WDTC1: variants seen among roughly 807,000 people sequenced by gnomAD.
WDTC1 encodes the protein WD and tetratricopeptide repeats protein 1.
In WDTC1, 12 loss-of-function variants were observed where a neutral mutation model predicts 76.0. The observed-to-expected ratio is 0.16, with a 90% CI of 0.10 to 0.26. The LOEUF is 0.26. Ranked by LOEUF, WDTC1 falls within the 10% of genes least tolerant of loss-of-function variation. WDTC1 has a pLI of 1.00. For synonymous variants in WDTC1, 326 were observed against 350.8 expected (o/e 0.93, Z 0.79); for missense variants, 511 against 908.8 (o/e 0.56, Z 5.63).
At chr1:27,282,489 A>T (rs1399672028) in intron 4 of WDTC1, among the ~76,000 whole-genome samples, 1 of 152,078 alleles carries the variant, frequency 6.6e-6, no homozygotes, top group African/African-American at 2.4e-5. Context: ...TGACCATCCA[A>T]ACCCTGTTTT....
chr1:27,247,597 C>G (rs2011885869), intron 1 of WDTC1, among the ~76,000 whole-genome samples: 1 of 151,978 alleles, frequency 6.6e-6, no homozygotes, highest in Non-Finnish European at 1.5e-5. Context: ...TCTGTTTCTG[C>G]TTTAGTTTGC....
intron 1 of WDTC1, among the ~76,000 whole-genome samples, chr1:27,243,562 A>G (rs1362822903): frequency 2.0e-5 from 3 of 152,030 alleles, no homozygotes; most frequent in African/African-American, 7.3e-5. Context: ...GTCAGACTGT[A>G]TAGGTTGACT....
intron 6 of WDTC1, among the ~76,000 whole-genome samples, chr1:27,288,993 C>T (rs1409088523): frequency 2.4e-5 from 3 of 124,332 alleles, no homozygotes; most frequent in East Asian, 2.6e-4. Context: ...ACCCCCCCCC[C>T]ACCTCCCTCC....
chr1:27,264,002 T>TAA (rs545114279), intron 3 of WDTC1, among the ~76,000 whole-genome samples: 1 of 142,680 alleles, frequency 7.0e-6, no homozygotes. Flanking sequence ...AATAGGTGTT[T>TAA]AAAAAAAAAA....
At chr1:27,299,389 T>C (rs1440582118) in intron 12 of WDTC1, among the ~76,000 whole-genome samples, 1 of 151,874 alleles carries the variant, frequency 6.6e-6, no homozygotes, top group Non-Finnish European at 1.5e-5. Flanking sequence ...TCAAGAAAAG[T>C]TGGGTCGCTT....
intron 8 of WDTC1, 35 bp downstream of exon 8, chr1:27,294,151 G>T: frequency 1.2e-6 from 2 of 1,601,412 alleles, no homozygotes; most frequent in Non-Finnish European, 1.7e-6. Flanking sequence ...CCAAACTCTC[G>T]GCTAGATGCT....
chr1:27,308,266 G>T lies in WDTC1; in HGVS notation c.*1883G>T, dbSNP rs2148002114. 1 of 152,392 alleles carries T rather than the reference G, an allele frequency of 6.6e-6. No homozygotes were observed. Among genetic ancestry groups the T allele is most frequent in the East Asian group, 1.9e-4 (1 of 5,184 alleles). 9.4% of individuals were successfully genotyped at this position (152,392 alleles called of 1,614,324 possible). ...TAGGTGTGGCTGGTGGCATTTGTGG[G>T]GTGCAGATGGGTCTTGGAACCAAAG... On this transcript the variant is annotated 3_prime_UTR_variant, in exon 16 of 16. Coordinates refer to ENST00000319394, the MANE Select transcript of WDTC1 (RefSeq NM_001276252.2).
intron 1 of WDTC1, among the ~76,000 whole-genome samples, chr1:27,254,891 T>A (rs1041814056): frequency 6.6e-6 from 1 of 152,022 alleles, no homozygotes; most frequent in African/African-American, 2.4e-5. Context: ...CCTCCCAAAG[T>A]GCTGGGATTA....
chr1:27,284,711 C>T (rs766502765), intron 5 of WDTC1, among the ~76,000 whole-genome samples: 8 of 151,686 alleles, frequency 5.3e-5, no homozygotes, highest in African/African-American at 9.7e-5. Context: ...TACTCCCTAA[C>T]GGTAAGACCT....
chr1:27,298,135 TCTGGGTCAG>T, intron 12 of WDTC1, 24 bp downstream of exon 12: 1 of 1,563,464 alleles, frequency 6.4e-7, no homozygotes, highest in Non-Finnish European at 8.7e-7. Flanking sequence ...GCAGAGGGGA[TCTGGGTCAG>T]GATGAGGGAG....
intron 3 of WDTC1, among the ~76,000 whole-genome samples, chr1:27,273,327 G>A: frequency 6.8e-6 from 1 of 146,576 alleles, no homozygotes; most frequent in Non-Finnish European, 1.5e-5. Flanking sequence ...TCCTGCCTCA[G>A]CCTACCAAGT....
At chr1:27,277,626 G>A (rs772593911) in intron 3 of WDTC1, among the ~76,000 whole-genome samples, 1 of 152,088 alleles carries the variant, frequency 6.6e-6, no homozygotes, top group Non-Finnish European at 1.5e-5. Context: ...GAAATCAATT[G>A]ACTGTAAATT....
intron 3 of WDTC1, among the ~76,000 whole-genome samples, chr1:27,265,092 CTGTGCCTAGCCCACACTGTAAGCT>C (rs1170706773): frequency 6.6e-6 from 1 of 152,168 alleles, no homozygotes; most frequent in Non-Finnish European, 1.5e-5. Context: ...GTGTGAGCTA[CTGTGCCTAGCCCACACTGTAAGCT>C]TAAAAGAAAT....
chr1:27,287,024 G>C (rs1347878221), intron 5 of WDTC1, among the ~76,000 whole-genome samples: 1 of 151,504 alleles, frequency 6.6e-6, no homozygotes, highest in Non-Finnish European at 1.5e-5. Flanking sequence ...TTAGCTGGGC[G>C]TGGTGGTGCA....
intron 9 of WDTC1, 145 bp downstream of exon 9, chr1:27,294,774 G>A: frequency 1.5e-6 from 1 of 671,550 alleles, no homozygotes; most frequent in Non-Finnish European, 2.5e-6. Flanking sequence ...GGGTGATGTG[G>A]CATCATTGGA....
intron 3 of WDTC1, among the ~76,000 whole-genome samples, chr1:27,270,549 C>G (rs1023776141): frequency 6.6e-6 from 1 of 152,048 alleles, no homozygotes; most frequent in East Asian, 1.9e-4. Context: ...AAAAATTAGC[C>G]AGGGGTGGTG....
chr1:27,301,263 A>G lies in WDTC1; in HGVS notation c.1270A>G (p.Lys424Glu). ...DHYDALRDCL[K>E]AISLNPCHLK... Reference sequence around the variant, plus strand: ...CTATGATGCCCTGAGGGACTGCCTCAAGGCCATCTCCCTAAACCCATGCCA... The same window carrying G: ...CTATGATGCCCTGAGGGACTGCCTCGAGGCCATCTCCCTAAACCCATGCCA... Residue 424 changes from lysine to glutamate, a missense_variant, in exon 13 of 16, where the codon AAG becomes GAG. By Grantham distance (56) the Lys-to-Glu change is moderately conservative (BLOSUM62 1). Coordinates refer to ENST00000319394, the MANE Select transcript of WDTC1 (RefSeq NM_001276252.2). The surrounding 1 kb of genome is among the most constrained non-coding windows in gnomAD (Gnocchi z 5.8). The G allele has an allele frequency of 6.2e-7, 1 of 1,614,110 alleles. No homozygotes were observed. The highest frequency in any genetic ancestry group is 8.5e-7 in the Non-Finnish European group (1 of 1,180,042).
At chr1:27,239,699 C>G (rs534843520) in intron 1 of WDTC1, among the ~76,000 whole-genome samples, 4 of 149,132 alleles carry the variant, frequency 2.7e-5, no homozygotes, top group Non-Finnish European at 5.9e-5. Context: ...CCTGTAATCC[C>G]AGCTACTTGG....
intron 1 of WDTC1, among the ~76,000 whole-genome samples, chr1:27,250,470 T>C (rs530949438): frequency 1.3e-5 from 2 of 152,268 alleles, no homozygotes; most frequent in South Asian, 4.1e-4. Context: ...TTTTCATATA[T>C]ATTTTATCAT....
Sources: allele counts gnomAD v4.1 joint callset (sites outside exome capture counted in the v4.1 genomes callset), GRCh38; gene constraint gnomAD v4.1.1; non-coding constraint Gnocchi (gnomAD v3.1); transcripts MANE v1.5; gene names NCBI Gene and HGNC (gene_info 2026-07-23, HGNC 2026-07-21).